CFAP210: variants seen among roughly 807,000 people sequenced by gnomAD.
CFAP210 encodes cilia and flagella associated protein 210, also known as cilia- and flagella- associated protein 210.
the CFAP210 span, chr2:169,674,866 C>T: frequency 1.3e-6 from 2 of 1,509,038 alleles, no homozygotes; most frequent in African/African-American, 2.9e-5. Context: ...TCAAGTAGTA[C>T]ATGAAAGTTT....
chr2:169,674,786 A>G, the CFAP210 span: 98 of 1,531,944 alleles, frequency 6.4e-5, no homozygotes, highest in African/African-American at 1.2e-3. Flanking sequence ...AAGAAAAATT[A>G]TAGTACTTTA....
the CFAP210 span, among the ~76,000 whole-genome samples, chr2:169,656,424 C>T: frequency 1.9e-4 from 17 of 91,608 alleles, no homozygotes; most frequent in South Asian, 1.0e-3. Context: ...AGGAGGAGGA[C>T]GAGGAAGAGA....
the CFAP210 span, among the ~76,000 whole-genome samples, chr2:169,647,390 G>C: frequency 1.5e-4 from 23 of 152,054 alleles, no homozygotes; most frequent in Non-Finnish European, 7.4e-5. Context: ...CCTCACATTT[G>C]ATATGCATTA....
chr2:169,653,485 C>A, the CFAP210 span, among the ~76,000 whole-genome samples: 1 of 152,050 alleles, frequency 6.6e-6, no homozygotes, highest in Non-Finnish European at 1.5e-5. Context: ...ATGATTTAGA[C>A]AGAAACCCCC....
the CFAP210 span, chr2:169,681,355 G>T: frequency 1.3e-6 from 1 of 790,208 alleles, no homozygotes; most frequent in Middle Eastern, 3.5e-4. Flanking sequence ...ATTTACTCTT[G>T]TTATCCTAAG....
chr2:169,675,256 T>C, the CFAP210 span, among the ~76,000 whole-genome samples: 1 of 152,214 alleles, frequency 6.6e-6, no homozygotes, highest in Non-Finnish European at 1.5e-5. Context: ...CAAAATATTA[T>C]AGAGGTATAT....
At chr2:169,648,433 TA>T in the CFAP210 span, among the ~76,000 whole-genome samples, 1 of 129,214 alleles carries the variant, frequency 7.7e-6, no homozygotes, top group East Asian at 2.0e-4. Flanking sequence ...TAACCATGCT[TA>T]AAATGGTACT....
chr2:169,662,366 GCTTT>G, the CFAP210 span: 1 of 1,602,648 alleles, frequency 6.2e-7, no homozygotes, highest in Non-Finnish European at 8.5e-7. Flanking sequence ...GCATTCTGTC[GCTTT>G]ATTTCCTCAG....
the CFAP210 span, chr2:169,674,744 A>G: frequency 6.3e-7 from 1 of 1,587,100 alleles, no homozygotes; most frequent in Non-Finnish European, 8.5e-7. Flanking sequence ...ACGTTCTTTC[A>G]TAACTCTACT....
At chr2:169,671,598 A>T in the CFAP210 span, among the ~76,000 whole-genome samples, 15 of 152,132 alleles carry the variant, frequency 9.9e-5, no homozygotes, top group Admixed American at 3.3e-4. Flanking sequence ...CCTCCTGAGT[A>T]GCTAAGATTA....
chr2:169,649,303 G>A, the CFAP210 span: 1 of 1,612,862 alleles, frequency 6.2e-7, no homozygotes, highest in Non-Finnish European at 8.5e-7. Flanking sequence ...TTGTTCTTTA[G>A]CCTCTATTTT....
the CFAP210 span, chr2:169,645,698 C>A: frequency 9.7e-6 from 6 of 619,586 alleles, no homozygotes; most frequent in South Asian, 2.5e-5. Flanking sequence ...TTATATATAC[C>A]CAAAAGAAAT....
chr2:169,650,351 A>G, the CFAP210 span: 2 of 1,593,738 alleles, frequency 1.3e-6, no homozygotes, highest in South Asian at 2.3e-5. Context: ...ATATTCTGCA[A>G]TTGTTTTTAA....
At chr2:169,679,700 A>AG in the CFAP210 span, among the ~76,000 whole-genome samples, 1 of 151,312 alleles carries the variant, frequency 6.6e-6, no homozygotes, top group Non-Finnish European at 1.5e-5. Flanking sequence ...AAAAAAAAAA[A>AG]AAAGGTGCCA....
chr2:169,688,047 T>C, the CFAP210 span, among the ~76,000 whole-genome samples: 4 of 152,198 alleles, frequency 2.6e-5, no homozygotes, highest in African/African-American at 9.7e-5. Context: ...ATTGGCCCCT[T>C]TCAGCCATGG....
chr2:169,687,354 C>A, the CFAP210 span, among the ~76,000 whole-genome samples: 1 of 152,186 alleles, frequency 6.6e-6, no homozygotes, highest in African/African-American at 2.4e-5. Context: ...TGAGACAAGG[C>A]AAGTCCCTTC....
At chr2:169,676,709 A>C in the CFAP210 span, among the ~76,000 whole-genome samples, 1 of 152,208 alleles carries the variant, frequency 6.6e-6, no homozygotes, top group Non-Finnish European at 1.5e-5. Context: ...TTGTTCCTAA[A>C]GCGAGGTACT....
chr2:169,662,154 A>C, the CFAP210 span: 1 of 931,584 alleles, frequency 1.1e-6, no homozygotes, highest in Non-Finnish European at 1.7e-6. Flanking sequence ...TGATCATTAC[A>C]TAATGTATGC....
chr2:169,681,253 G>T, the CFAP210 span: 1 of 1,525,542 alleles, frequency 6.6e-7, no homozygotes, highest in South Asian at 1.2e-5. Flanking sequence ...TGTAAAAAAT[G>T]ATTATTAAAG....
Sources: allele counts gnomAD v4.1 joint callset (sites outside exome capture counted in the v4.1 genomes callset), GRCh38; gene constraint gnomAD v4.1.1; transcripts MANE v1.5; gene names NCBI Gene and HGNC (gene_info 2026-07-23, HGNC 2026-07-21).